The following FAAH2 variants were observed in gnomAD, a reference collection of about 807,000 sequenced individuals.
FAAH2 encodes the protein fatty-acid amide hydrolase 2.
A neutral mutation model predicts 36.9 loss-of-function variants in FAAH2; 60 were observed. The ratio of observed to expected loss-of-function variants is 1.63; its 90% confidence interval spans 1.32 to 2.02. The LOEUF (loss-of-function observed/expected upper bound fraction) is 2.02. Ranked by LOEUF, FAAH2 falls within the 30% of genes most tolerant of loss-of-function variation. FAAH2 has a pLI of 0.00. For missense variants in FAAH2, 689 were observed against 397.5 expected, an observed-to-expected ratio of 1.73 and a Z score of -6.23; for synonymous variants, 214 against 143.8, an observed-to-expected ratio of 1.49 and a Z score of -3.49.
At chrX:57,437,402 T>G (rs1054509980) in intron 8 of FAAH2, among the ~76,000 whole-genome samples, 1 of 109,962 alleles carries the variant, frequency 9.1e-6, no homozygotes, top group African/African-American at 3.3e-5. Context: ...AAGAAAGAAA[T>G]AAAAGATATC....
intron 7 of FAAH2, among the ~76,000 whole-genome samples, chrX:57,402,255 C>A (rs1248723204): frequency 3.6e-5 from 4 of 111,913 alleles, no homozygotes; most frequent in East Asian, 5.7e-4. Flanking sequence ...ACATAAGGGG[C>A]ATGGATGAGG....
At chrX:57,284,000 G>A (rs1056927891), upstream of FAAH2, among the ~76,000 whole-genome samples, 16 of 111,771 alleles carry the variant, frequency 1.4e-4, no homozygotes, top group Admixed American at 1.9e-4. Context: ...AGGTGACTGC[G>A]CTGTGCTGTG....
chrX:57,392,646 G>A, intron 7 of FAAH2: 2 of 691,849 alleles, frequency 2.9e-6, no homozygotes, highest in East Asian at 6.4e-5. Context: ...GATCTGTTTA[G>A]AATGATCCAT....
the FAAH2 span, among the ~76,000 whole-genome samples, chrX:57,206,688 A>G: frequency 8.9e-6 from 1 of 112,147 alleles, no homozygotes; most frequent in Admixed American, 9.4e-5. Flanking sequence ...TTGCTCAGCT[A>G]AGGGGATAGT....
At chrX:57,405,639 G>A (rs1367152965) in intron 7 of FAAH2, among the ~76,000 whole-genome samples, 2 of 105,534 alleles carry the variant, frequency 1.9e-5, no homozygotes, top group Non-Finnish European at 3.9e-5. Context: ...ATAGGAGGGG[G>A]CCCAAGGGGG....
the FAAH2 span, among the ~76,000 whole-genome samples, chrX:57,216,914 A>C: frequency 9.3e-6 from 1 of 107,975 alleles, no homozygotes; most frequent in Non-Finnish European, 1.9e-5. Context: ...GTGTTCCCTG[A>C]TCACCTCATT....
At chrX:57,391,175 T>A (rs1046743395) in intron 7 of FAAH2, among the ~76,000 whole-genome samples, 5 of 111,087 alleles carry the variant, frequency 4.5e-5, no homozygotes, top group Non-Finnish European at 9.5e-5. Context: ...TAATGGGGTT[T>A]TTTTTGTTGA....
chrX:57,296,323 C>A (rs1335629474), intron 2 of FAAH2, among the ~76,000 whole-genome samples: 1 of 111,910 alleles, frequency 8.9e-6, no homozygotes, highest in Non-Finnish European at 1.9e-5. Context: ...GCCACCACTG[C>A]TGATACCCAG....
At chrX:57,448,750 C>A in intron 10 of FAAH2, 32 bp downstream of exon 10, 1 of 1,142,375 alleles carries the variant, frequency 8.8e-7, no homozygotes, top group Non-Finnish European at 1.2e-6. Context: ...ATTCTGTAAT[C>A]TTAAAGAAAT....
intron 10 of FAAH2, among the ~76,000 whole-genome samples, chrX:57,478,479 C>A (rs2057314803): frequency 9.0e-6 from 1 of 111,523 alleles, no homozygotes; most frequent in Middle Eastern, 4.2e-3. Flanking sequence ...GCTAAAGAAG[C>A]TCTTTAGTTT....
intron 10 of FAAH2, among the ~76,000 whole-genome samples, chrX:57,481,361 T>C (rs756691840): frequency 6.2e-5 from 7 of 112,093 alleles, no homozygotes; most frequent in Admixed American, 3.8e-4. Context: ...CTGTTTTTTT[T>C]CCTCATCTTC....
At chrX:57,205,228 G>A in the FAAH2 span, among the ~76,000 whole-genome samples, 1 of 112,817 alleles carries the variant, frequency 8.9e-6, no homozygotes, top group Non-Finnish European at 1.9e-5. Context: ...CTGGATAATA[G>A]TTTTAGCTTC....
At chrX:57,311,366 C>T (rs762867047) in intron 3 of FAAH2, among the ~76,000 whole-genome samples, 13 of 112,278 alleles carry the variant, frequency 1.2e-4, no homozygotes, top group East Asian at 2.8e-4. Flanking sequence ...ATGGCTCCTG[C>T]GAAAGGGGTC....
intron 7 of FAAH2, among the ~76,000 whole-genome samples, chrX:57,414,581 G>T (rs1419436981): frequency 2.7e-5 from 3 of 111,380 alleles, no homozygotes; most frequent in Non-Finnish European, 5.7e-5. Context: ...TGATTGTGGT[G>T]GATAAGCTTT....
chrX:57,361,234 A>G (rs1350684793), intron 5 of FAAH2, among the ~76,000 whole-genome samples: 1 of 111,546 alleles, frequency 9.0e-6, no homozygotes, highest in African/African-American at 3.2e-5. Context: ...ATGGCTCACC[A>G]TCTTAGGTTA....
At chrX:57,271,797 A>C in the FAAH2 span, among the ~76,000 whole-genome samples, 1 of 111,663 alleles carries the variant, frequency 9.0e-6, no homozygotes, top group East Asian at 2.9e-4. Context: ...GGAAAGAAAA[A>C]AAAAAGTGCT....
chrX:57,470,724 C>A (rs915607607), intron 10 of FAAH2, among the ~76,000 whole-genome samples: 3 of 111,276 alleles, frequency 2.7e-5, no homozygotes, highest in Non-Finnish European at 5.7e-5. Context: ...AGAAAAAGAG[C>A]GAATCCTCCC....
At chrX:57,339,447 A>G (rs996536214) in intron 4 of FAAH2, among the ~76,000 whole-genome samples, 5 of 112,364 alleles carry the variant, frequency 4.4e-5, no homozygotes, top group Non-Finnish European at 9.4e-5. Context: ...TCTGCAAAGC[A>G]AAATAAACTA....
the FAAH2 span, among the ~76,000 whole-genome samples, chrX:57,215,486 A>T: frequency 8.9e-6 from 1 of 111,811 alleles, no homozygotes; most frequent in African/African-American, 3.3e-5. Flanking sequence ...AAGGAATATA[A>T]ATAATTCTAT....
Sources: allele counts gnomAD v4.1 joint callset (sites outside exome capture counted in the v4.1 genomes callset), GRCh38; gene constraint gnomAD v4.1.1; transcripts MANE v1.5; gene names NCBI Gene and HGNC (gene_info 2026-07-23, HGNC 2026-07-21).